Variants in SPTA1 observed in about 807,000 individuals in gnomAD.
SPTA1 encodes the protein spectrin alpha chain, erythrocytic 1.
SPTA1 carries 177 observed loss-of-function variants against 324.7 expected under a neutral mutation model. That is an observed-to-expected ratio of 0.55 (90% CI 0.48 to 0.62). The LOEUF (loss-of-function observed/expected upper bound fraction) is 0.62, where lower values mean the gene tolerates loss of function less well. SPTA1 is among the 20% of genes least tolerant of loss of function. The pLI is 0.00. For synonymous variants in SPTA1, 1,195 were observed against 1,041.3 expected, an observed-to-expected ratio of 1.15 and a Z score of -2.84; for missense variants, 3,162 against 2,883.6, an observed-to-expected ratio of 1.10 and a Z score of -2.21.
At position 158,623,206 on chromosome 1, in the gene SPTA1, G is replaced by C. The variant is rs1443692218; in HGVS notation, c.5911-14C>G. The C allele has an allele frequency of 6.2e-7, 1 of 1,602,114 alleles. No individual in the cohort carries two copies. The highest frequency in any genetic ancestry group is 8.5e-7 in the Non-Finnish European group (1 of 1,170,194). ...ATCCAGAGTGTCCTGAGAAAGATCA[G>C]GAGAGAGGCCGTGAACAAGAAAATG... On this transcript the variant is annotated splice_polypyrimidine_tract_variant and intron_variant, in intron 42 of 51. Coordinates refer to ENST00000643759, the MANE Select transcript of SPTA1 (RefSeq NM_003126.4).
intron 31 of SPTA1, 110 bp from the exon 32 acceptor site, chr1:158,643,086 G>A (rs1651734733): frequency 6.2e-6 from 9 of 1,451,702 alleles, no homozygotes; most frequent in Non-Finnish European, 7.6e-6. Context: ...TTCTCACATA[G>A]TCTTATTATT....
At chr1:158,665,351 T>C (rs1055995113) in intron 16 of SPTA1, among the ~76,000 whole-genome samples, 1 of 152,208 alleles carries the variant, frequency 6.6e-6, no homozygotes, top group Admixed American at 6.5e-5. Flanking sequence ...CAAATGACTT[T>C]TTTCCTGTTT....
At chr1:158,664,239 T>C (rs1333537926) in intron 16 of SPTA1, among the ~76,000 whole-genome samples, 2 of 152,204 alleles carry the variant, frequency 1.3e-5, no homozygotes, top group African/African-American at 2.4e-5. Context: ...GTATGTTTAC[T>C]GTAGCAGTAT....
chr1:158,686,473 G>T (rs1475345263), intron 1 of SPTA1, 21 bp downstream of exon 1: 2 of 1,508,560 alleles, frequency 1.3e-6, no homozygotes, highest in Non-Finnish European at 1.8e-6. Context: ...CAAATTGCAT[G>T]GAAGAGAAAT....
chr1:158,610,721 T>C lies in SPTA1; in HGVS notation c.*543A>G, dbSNP rs1649198972. ...TATTCATGTTCCCCAGAAAATCAAATATCTTTATTTTCAAATTTAAATTTA... is the reference window on the plus strand; with the variant it reads ...TATTCATGTTCCCCAGAAAATCAAACATCTTTATTTTCAAATTTAAATTTA... On this transcript the variant is annotated 3_prime_UTR_variant, in exon 52 of 52. Coordinates refer to ENST00000643759, the MANE Select transcript of SPTA1 (RefSeq NM_003126.4). The C allele has an allele frequency of 6.5e-6, 1 of 152,706 alleles. No homozygotes were observed. Among genetic ancestry groups the C allele is most frequent in the African/African-American group, 2.4e-5 (1 of 41,450 alleles). 9.5% of individuals were successfully genotyped at this position (152,706 alleles called of 1,614,324 possible).
intron 8 of SPTA1, among the ~76,000 whole-genome samples, chr1:158,675,936 A>G (rs895190100): frequency 6.6e-6 from 1 of 152,196 alleles, no homozygotes; most frequent in African/African-American, 2.4e-5. Context: ...ACTGCTGGTA[A>G]CTGAAACCAC....
chr1:158,652,706 G>A lies in SPTA1; in HGVS notation c.3189-53C>T, dbSNP rs1208295528. 3.1e-6 allele frequency: 5 copies of A among 1,595,506 alleles called. No individual in the cohort carries two copies. The East Asian group carries it at 1.1e-4, about 36-fold the overall frequency. On this transcript the variant is annotated intron_variant, in intron 22 of 51. Coordinates refer to ENST00000643759, the MANE Select transcript of SPTA1 (RefSeq NM_003126.4). ...TAAAAGAAGGAGAAAATACAGAAGAGTAGAGGCTGAGTGACAAACATAGAG... is the reference window on the plus strand; with the variant it reads ...TAAAAGAAGGAGAAAATACAGAAGAATAGAGGCTGAGTGACAAACATAGAG...
chr1:158,634,982 A>G (rs970153283), intron 38 of SPTA1, among the ~76,000 whole-genome samples: 4 of 152,334 alleles, frequency 2.6e-5, no homozygotes, highest in Non-Finnish European at 5.9e-5. Flanking sequence ...GTGTTGGAGA[A>G]TATCAGCAGT....
intron 28 of SPTA1, 37 bp downstream of exon 28, chr1:158,645,458 G>A (rs761973469): frequency 1.8e-5 from 29 of 1,613,728 alleles, no homozygotes; most frequent in Admixed American, 1.2e-4. Context: ...GAGGTTTCAG[G>A]TCAAGTGATC....
chr1:158,662,924 C>T lies in SPTA1; in HGVS notation c.2242G>A (p.Asp748Asn). 1 of 1,614,020 alleles carries T rather than the reference C, an allele frequency of 6.2e-7. No homozygotes were observed. The highest frequency in any genetic ancestry group is 8.5e-7 in the Non-Finnish European group (1 of 1,179,958). Reference protein sequence around the residue: ...ARQDQVDILTDLAAYFEEIGH... With the variant: ...ARQDQVDILTNLAAYFEEIGH... ...ATTTCTTCAAAATATGCAGCCAGGT[C>T]TGTAAGGATATCCACCTGATCCTAA... The change falls in exon 17 of 52, where the codon GAC becomes AAC. Residue 748 changes from aspartate to asparagine, a missense_variant. Transcript: ENST00000643759.
Position 158,680,671 on chromosome 1 carries a change from T to G in SPTA1, c.590A>C (p.His197Pro), listed in dbSNP as rs1248832413. The G allele has an allele frequency of 6.2e-7, 1 of 1,613,848 alleles. No individual in the cohort carries two copies. Among genetic ancestry groups the G allele is most frequent in the African/African-American group, 1.3e-5 (1 of 74,918 alleles). The change falls in exon 5 of 52, where the codon CAT becomes CCT. Residue 197 changes from histidine to proline, a missense_variant. Physicochemically the swap from His to Pro is moderately conservative, Grantham distance 77. Transcript: ENST00000643759. ...CACTTGGAAGTCTTCAAATTTCTTATGCAGAACTTCGGTGCGCTCCCAGTC... is the reference window on the plus strand; with the variant it reads ...CACTTGGAAGTCTTCAAATTTCTTAGGCAGAACTTCGGTGCGCTCCCAGTC... ...GEDWERTEVL[H>P]KKFEDFQVEL... is the part of the protein sequence containing the mutation.
At chr1:158,660,709 C>A (rs1653150939) in intron 18 of SPTA1, among the ~76,000 whole-genome samples, 1 of 152,160 alleles carries the variant, frequency 6.6e-6, no homozygotes, top group East Asian at 1.9e-4. Context: ...TCAACTGATT[C>A]TTCAATCAAC....
At chr1:158,683,042 G>A (rs547409268) in intron 3 of SPTA1, among the ~76,000 whole-genome samples, 1 of 152,204 alleles carries the variant, frequency 6.6e-6, no homozygotes, top group South Asian at 2.1e-4. Flanking sequence ...TGAGGTTAGA[G>A]GAAATAATTA....
intron 8 of SPTA1, among the ~76,000 whole-genome samples, chr1:158,675,354 G>A (rs1654322094): frequency 6.6e-6 from 1 of 152,174 alleles, no homozygotes; most frequent in Admixed American, 6.5e-5. Context: ...CTTATCTAGA[G>A]TCAGAATTTT....
rs1273701490 is a variant in SPTA1 at position 158,685,173 on chromosome 1, T to C, written c.199A>G (p.Lys67Glu). The C allele has an allele frequency of 6.2e-7, 1 of 1,613,596 alleles. No homozygotes were observed. The highest frequency in any genetic ancestry group is 2.2e-5 in the East Asian group (1 of 44,888). Residue 67 changes from lysine (K) to glutamate (E), a missense_variant, in exon 2 of 52, where the codon AAG (lysine) becomes GAG (glutamate). Transcript: ENST00000643759. ...VFKRDADDLG[K>E]WIMEKVNILT... The stretch of plus-strand genomic sequence containing the variant: ...ATATTGACTTTCTCCATGATCCACT[T>C]CCCCAGATCATCTGCATCTCGCTTG...
rs190583542 is a variant in SPTA1, at chr1:158,671,866, C to T, written c.1488+193G>A. On this transcript the variant is annotated intron_variant, in intron 11 of 51. Coordinates refer to ENST00000643759, the MANE Select transcript of SPTA1 (RefSeq NM_003126.4). ...TCTGCTATGTATTTAAGTATATATGCTTTTGTTGATGAGGGAATTGTAGGA... is the reference window on the plus strand; with the variant it reads ...TCTGCTATGTATTTAAGTATATATGTTTTTGTTGATGAGGGAATTGTAGGA... 1.2e-3 allele frequency among the ~76,000 whole-genome samples: 180 copies of T among 152,268 alleles called. 2 individuals carry two copies. Among genetic ancestry groups the T allele is most frequent in the Admixed American group, 2.9e-3 (45 of 15,302 alleles).
At position 158,651,339 on chromosome 1, in the gene SPTA1, G is replaced by A. The variant is rs760914266; in HGVS notation, c.3477+28C>T. On this transcript the variant is annotated intron_variant, in intron 24 of 51. Transcript: ENST00000643759. Reference sequence around the variant, plus strand: ...GACTCCCAAAGCCCAACCTGGTAGTGAGGAGGAATGGAGGGAGCCTTAGTT... The same window carrying A: ...GACTCCCAAAGCCCAACCTGGTAGTAAGGAGGAATGGAGGGAGCCTTAGTT... 6 of 1,493,968 alleles carry A rather than the reference G, an allele frequency of 4.0e-6. No homozygotes were observed. The South Asian group carries it at 6.8e-5, about 17-fold the overall frequency. The allele number at this position is 1,493,968 out of a possible 1,614,324, so 92.5% of individuals were successfully genotyped here. A position where few individuals can be genotyped will look rare whatever the true frequency, so the allele number is the denominator to read the frequency against.
chr1:158,631,477 G>T (rs1042655914), intron 39 of SPTA1, among the ~76,000 whole-genome samples: 3 of 151,986 alleles, frequency 2.0e-5, no homozygotes, highest in Non-Finnish European at 4.4e-5. Context: ...AAGGGGTCAG[G>T]GATAAAAGAC....
intron 22 of SPTA1, 32 bp downstream of exon 22, chr1:158,653,242 T>C: frequency 1.2e-6 from 2 of 1,613,938 alleles, no homozygotes; most frequent in East Asian, 2.2e-5. Context: ...TCTGACCAAA[T>C]ACTGTTCAGT....
Sources: allele counts gnomAD v4.1 joint callset (sites outside exome capture counted in the v4.1 genomes callset), GRCh38; gene constraint gnomAD v4.1.1; transcripts MANE v1.5; gene names NCBI Gene and HGNC (gene_info 2026-07-23, HGNC 2026-07-21).